The following VPS13D variants were observed in gnomAD, a reference collection of about 807,000 sequenced individuals.
VPS13D encodes the protein intermembrane lipid transfer protein VPS13D.
In VPS13D, 187 loss-of-function variants were observed where a neutral mutation model predicts 461.9. The ratio of observed to expected loss-of-function variants is 0.40; its 90% CI spans 0.36 to 0.46. The LOEUF is 0.46. VPS13D is among the 20% of genes least tolerant of loss of function. The probability of loss-of-function intolerance (pLI) is 0.60; values close to 1 mark genes in which losing one functional copy is unlikely to be tolerated. For synonymous variants in VPS13D, 1,951 were observed against 1,986.3 expected (o/e 0.98, Z 0.47); for missense variants, 4,711 against 5,364.9 (o/e 0.88, Z 3.81).
At chr1:12,499,981 C>T (rs1189991299) in intron 68 of VPS13D, 1 of 985,152 alleles carries the variant, frequency 1.0e-6, no homozygotes, top group African/African-American at 1.7e-5. Flanking sequence ...CAGAGTTAAC[C>T]CCTTTAAAGG....
At chr1:12,436,666 T>G (rs1645064811) in intron 65 of VPS13D, among the ~76,000 whole-genome samples, 3 of 152,182 alleles carry the variant, frequency 2.0e-5, no homozygotes, top group Admixed American at 6.5e-5. Context: ...GCAAGTTTTT[T>G]TTTGTTTGTT....
chr1:12,259,425 C>T (rs537014293), intron 10 of VPS13D, among the ~76,000 whole-genome samples: 2 of 151,840 alleles, frequency 1.3e-5, no homozygotes, highest in East Asian at 1.9e-4. Flanking sequence ...AAGGGATCCT[C>T]CCACCTCAGC....
At position 12,356,392 on chromosome 1, in the gene VPS13D, C is replaced by A. The variant is rs1280065237; in HGVS notation, c.9872-6C>A. 3.1e-6 allele frequency: 5 copies of A among 1,612,146 alleles called. No homozygotes were observed. The highest frequency in any genetic ancestry group is 4.2e-6 in the Non-Finnish European group (5 of 1,179,226). On this transcript the variant is annotated splice_region_variant and splice_polypyrimidine_tract_variant and intron_variant, in intron 48 of 69. Coordinates refer to ENST00000620676, the MANE Select transcript of VPS13D (RefSeq NM_015378.4). ...ATTGATGTAAACTTTTCTCTCCTTC[C>A]TAAAGGGTTGCCACTGATCTTCAGA...
At chr1:12,324,588 T>C (rs1055094658) in intron 35 of VPS13D, among the ~76,000 whole-genome samples, 1 of 152,204 alleles carries the variant, frequency 6.6e-6, no homozygotes, top group African/African-American at 2.4e-5. Flanking sequence ...GGGAAGTGGC[T>C]TTAACCTCTG....
In VPS13D at chr1:12,453,629, A is replaced by G. The variant is rs17038029; in HGVS notation, c.12334-2369A>G. Among the ~76,000 whole-genome samples, 143 of 152,290 alleles carry G rather than the reference A, an allele frequency of 9.4e-4. 4 individuals are homozygous for G. The East Asian group carries it at 0.018, about 20-fold the overall frequency. Reference sequence around the variant, plus strand: ...GCAGGCACTCTTATTGATTCTTTCCAAAACAAAGGTCACATTTCCTTTCTG... The same window carrying G: ...GCAGGCACTCTTATTGATTCTTTCCGAAACAAAGGTCACATTTCCTTTCTG... On this transcript the variant is annotated intron_variant, in intron 65 of 69. Transcript: ENST00000620676.
In VPS13D at chr1:12,507,017, A is replaced by G; in HGVS notation, c.12959A>G (p.Tyr4320Cys). 1 of 1,614,260 alleles carries G rather than the reference A, an allele frequency of 6.2e-7. No homozygotes were observed. The highest frequency in any genetic ancestry group is 8.5e-7 in the Non-Finnish European group (1 of 1,180,052). Reference protein sequence around the residue: ...CLVSKDHGKVYVQVTKKAVST... With the variant: ...CLVSKDHGKVCVQVTKKAVST... ...GTCTCCAAAGACCATGGGAAGGTGT[A>G]TGTGCAGGTGACCAAGAAAGCCGTG... The change falls in exon 69 of 70, where the codon TAT (tyrosine) becomes TGT (cysteine). Residue 4320 changes from tyrosine (Y) to cysteine (C), a missense_variant. Physicochemically the swap from Tyr to Cys is radical, Grantham distance 194 (BLOSUM62 -2). Around this residue, in one of 3 missense-constraint regions of VPS13D, gnomAD observed 194 missense variants for 220.9 expected, o/e 0.88. Transcript: ENST00000620676. The surrounding 1 kb of genome is among the most constrained non-coding windows in gnomAD (Gnocchi z 5.3).
At chr1:12,338,612 A>G (rs1021929380) in intron 40 of VPS13D, among the ~76,000 whole-genome samples, 5 of 152,166 alleles carry the variant, frequency 3.3e-5, no homozygotes, top group Non-Finnish European at 7.4e-5. Context: ...GAGCAAGTGG[A>G]TTGAGGAGCA....
chr1:12,390,048 T>C (rs957632301), intron 60 of VPS13D, among the ~76,000 whole-genome samples: 1 of 152,254 alleles, frequency 6.6e-6, no homozygotes, highest in Admixed American at 6.5e-5. Flanking sequence ...GGTGGTAATC[T>C]TAACTTCCAG....
intron 67 of VPS13D, among the ~76,000 whole-genome samples, chr1:12,462,800 TTGTC>T (rs1645429434): frequency 6.6e-6 from 1 of 152,234 alleles, no homozygotes; most frequent in Non-Finnish European, 1.5e-5. Context: ...CACTGCATTT[TTGTC>T]TGTCTGTTTC....
chr1:12,281,756 T>C (rs1307374835), intron 20 of VPS13D, among the ~76,000 whole-genome samples: 1 of 152,234 alleles, frequency 6.6e-6, no homozygotes, highest in Non-Finnish European at 1.5e-5. Flanking sequence ...CTAATGAACT[T>C]CGATGGCACA....
Position 12,506,870 on chromosome 1 carries a change from A to G in VPS13D, c.12812A>G (p.Asn4271Ser), listed in dbSNP as rs1346600596. 4 of 1,614,270 alleles carry G rather than the reference A, an allele frequency of 2.5e-6. No homozygotes were observed. The highest frequency in any genetic ancestry group is 3.4e-6 in the Non-Finnish European group (4 of 1,180,034). Reference sequence around the variant, plus strand: ...CTTTGCAGCTTCATCGCTGTGGAGAACATTGACAGCTACTGCGTGCTCATC... The same window carrying G: ...CTTTGCAGCTTCATCGCTGTGGAGAGCATTGACAGCTACTGCGTGCTCATC... ...IQDEFFIAVENIDSYCVLISS... is the reference protein window; with the variant it reads ...IQDEFFIAVESIDSYCVLISS... Residue 4271 changes from asparagine to serine, a missense_variant, in exon 69 of 70, where the codon AAC becomes AGC. Transcript: ENST00000620676.
At chr1:12,341,466 G>C (rs1643565993) in intron 40 of VPS13D, among the ~76,000 whole-genome samples, 1 of 152,114 alleles carries the variant, frequency 6.6e-6, no homozygotes, top group Non-Finnish European at 1.5e-5. Context: ...TATAGTTCTT[G>C]GCAGCACTGG....
At chr1:12,398,776 T>A (rs1644533449) in intron 60 of VPS13D, among the ~76,000 whole-genome samples, 1 of 152,238 alleles carries the variant, frequency 6.6e-6, no homozygotes, top group Admixed American at 6.5e-5. Context: ...TAGAGGAAAC[T>A]GTTACAATTT....
chr1:12,277,123 C>A lies in VPS13D; in HGVS notation c.3535C>A (p.Arg1179=). The A allele has an allele frequency of 1.9e-6, 3 of 1,614,134 alleles. No homozygotes were observed. Among genetic ancestry groups the A allele is most frequent in the Non-Finnish European group, 2.5e-6 (3 of 1,180,038 alleles). The part of the protein sequence containing the change: ...EIHRLNLLLL[R]TVGMANREKY... Reference sequence around the variant, plus strand: ...CCATAGGCTGAACTTACTGCTTCTTCGGACAGTGGGCATGGCAAATAGAGA... The same window carrying A: ...CCATAGGCTGAACTTACTGCTTCTTAGGACAGTGGGCATGGCAAATAGAGA... The change falls in exon 19 of 70, where the codon CGG becomes AGG. Residue 1179 remains arginine (R), a synonymous_variant. Transcript: ENST00000620676.
chr1:12,248,441 C>T (rs1313684212), intron 5 of VPS13D, among the ~76,000 whole-genome samples: 10 of 152,054 alleles, frequency 6.6e-5, no homozygotes, highest in Admixed American at 1.3e-4. Flanking sequence ...CTCATGGGCT[C>T]AAACAATCCT....
Position 12,268,072 on chromosome 1 carries a change from A to C in VPS13D, c.1801+152A>C, listed in dbSNP as rs1641326570. 5 of 585,208 alleles carry C rather than the reference A, an allele frequency of 8.5e-6. No individual in the cohort carries two copies. In the East Asian group the frequency reaches 9.7e-5, roughly 11 times the overall value. The allele number at this position is 585,208 out of a possible 1,614,324, so 36.3% of individuals were successfully genotyped here. On this transcript the variant is annotated intron_variant, in intron 15 of 69. Coordinates refer to ENST00000620676, the MANE Select transcript of VPS13D (RefSeq NM_015378.4). The stretch of plus-strand genomic sequence containing the variant: ...TGCCTCCCGGGTTCGAGTGATTCTC[A>C]TGCCCTTGCCAGGATTACTGGTGTG...
intron 24 of VPS13D, among the ~76,000 whole-genome samples, chr1:12,296,513 C>G (rs955597450): frequency 6.6e-6 from 1 of 152,148 alleles, no homozygotes; most frequent in Non-Finnish European, 1.5e-5. Context: ...CTTTTTCCAT[C>G]TTGCTTTGCA....
chr1:12,370,237 T>C (rs1049494028), intron 54 of VPS13D, among the ~76,000 whole-genome samples: 1 of 152,238 alleles, frequency 6.6e-6, no homozygotes, highest in African/African-American at 2.4e-5. Context: ...ATTGAGCTTA[T>C]TTTAATTCTG....
chr1:12,327,996 AT>A, intron 36 of VPS13D, 142 bp downstream of exon 36: 1 of 885,758 alleles, frequency 1.1e-6, no homozygotes, highest in Non-Finnish European at 1.7e-6. Flanking sequence ...TATGTTTTTC[AT>A]TATGTATGTT....
Sources: allele counts gnomAD v4.1 joint callset (sites outside exome capture counted in the v4.1 genomes callset), GRCh38; gene constraint gnomAD v4.1.1; regional missense constraint gnomAD v4.1.1; non-coding constraint Gnocchi (gnomAD v3.1); transcripts MANE v1.5; gene names NCBI Gene and HGNC (gene_info 2026-07-23, HGNC 2026-07-21).